Variants in IGLL5 observed in about 807,000 individuals in gnomAD.
IGLL5 encodes immunoglobulin lambda-like polypeptide 5.
IGLL5 carries 30 observed loss-of-function variants against 20.9 expected under a neutral mutation model. The observed-to-expected ratio is 1.44, with a 90% CI of 1.07 to 1.95. The LOEUF is 1.95. Ranked by LOEUF, IGLL5 falls within the 30% of genes most tolerant of loss-of-function variation. IGLL5 has a pLI of 0.00. For missense variants in IGLL5, 475 were observed against 270.7 expected (o/e 1.75, Z -5.30); for synonymous variants, 203 against 117.3 (o/e 1.73, Z -4.72).
intron 2 of IGLL5, among the ~76,000 whole-genome samples, 188 bp downstream of exon 2, chr22:22,894,006 G>T (rs1249174182): frequency 6.7e-5 from 10 of 149,796 alleles, no homozygotes; most frequent in South Asian, 4.4e-4. Context: ...TCCACAGTGG[G>T]AGCAGCCGGA....
chr22:22,888,421 A>T (rs529094609), intron 1 of IGLL5, among the ~76,000 whole-genome samples, 162 bp downstream of exon 1: 2 of 151,504 alleles, frequency 1.3e-5, no homozygotes, highest in East Asian at 2.0e-4. Flanking sequence ...TGTCCATCAC[A>T]GATTTGTTTG....
intron 2 of IGLL5, among the ~76,000 whole-genome samples, chr22:22,894,310 G>C (rs1023795682): frequency 6.6e-6 from 1 of 151,422 alleles, no homozygotes; most frequent in African/African-American, 2.4e-5. Context: ...TGACACAGAG[G>C]TCACCCCAAG....
At chr22:22,895,201 T>C (rs2146052064) in intron 2 of IGLL5, among the ~76,000 whole-genome samples, 174 bp from the exon 3 acceptor site, 1 of 151,352 alleles carries the variant, frequency 6.6e-6, no homozygotes, top group East Asian at 2.0e-4. Flanking sequence ...GGCACAGAGC[T>C]GTCTGCTCTC....
intron 1 of IGLL5, among the ~76,000 whole-genome samples, chr22:22,888,463 TA>T (rs2067601496): frequency 2.0e-5 from 3 of 151,400 alleles, no homozygotes; most frequent in Non-Finnish European, 2.9e-5. Context: ...ATTACGATAT[TA>T]TTTTTCTTGA....
In IGLL5 at chr22:22,888,213, G is replaced by A. The variant is rs184803761; in HGVS notation, c.160G>A (p.Ala54Thr). 5.2e-6 allele frequency: 8 copies of A among 1,548,476 alleles called. No individual in the cohort carries two copies. The highest frequency in any genetic ancestry group is 2.7e-5 in the African/African-American group (2 of 72,882). ...APQSGDPDPG[A>T]SVGSSRSSLR... ...GCAAAGCGGGGACCCAGACCCTGGA[G>A]CCTCAGTTGGAAGCAGCCGATCCAG... The change falls in exon 1 of 3, where the codon GCC becomes ACC. Residue 54 changes from alanine to threonine, a missense_variant. Coordinates refer to ENST00000526893, the MANE Select transcript of IGLL5 (RefSeq NM_001178126.2).
At chr22:22,895,005 G>A (rs2066715544) in intron 2 of IGLL5, among the ~76,000 whole-genome samples, 1 of 151,408 alleles carries the variant, frequency 6.6e-6, no homozygotes, top group Admixed American at 6.6e-5. Context: ...TAAAGTGGGT[G>A]ATGGAGGGGG....
At position 22,895,885 on chromosome 22, in the gene IGLL5, G is replaced by T; in HGVS notation, c.*191G>T. The T allele has an allele frequency of 1.5e-6, 1 of 662,770 alleles. No individual in the cohort carries two copies. The highest frequency in any genetic ancestry group is 2.6e-5 in the Admixed American group (1 of 39,026). 41.1% of individuals were successfully genotyped at this position (662,770 alleles called of 1,614,324 possible). On this transcript the variant is annotated 3_prime_UTR_variant, in exon 3 of 3. Transcript: ENST00000526893. ...CACATAAATTGCTAGCCTCCCCGGGGTTCTCAGTGTGGGGTACAGGGAATT... is the reference window on the plus strand; with the variant it reads ...CACATAAATTGCTAGCCTCCCCGGGTTTCTCAGTGTGGGGTACAGGGAATT...
At chr22:22,894,241 C>G (rs150593100) in intron 2 of IGLL5, among the ~76,000 whole-genome samples, 14 of 150,896 alleles carry the variant, frequency 9.3e-5, no homozygotes, top group East Asian at 6.1e-4. Context: ...CCAAGAACAG[C>G]TGAGGGTCTA....
intron 1 of IGLL5, among the ~76,000 whole-genome samples, chr22:22,888,580 C>G (rs552432937): frequency 6.6e-6 from 1 of 151,290 alleles, no homozygotes; most frequent in Admixed American, 6.6e-5. Flanking sequence ...GACAGGACAT[C>G]CACAGGGGGT....
At chr22:22,892,355 TG>T (rs2067874988) in intron 1 of IGLL5, among the ~76,000 whole-genome samples, 1 of 151,140 alleles carries the variant, frequency 6.6e-6, no homozygotes, top group African/African-American at 2.4e-5. Flanking sequence ...TATCTTCCAA[TG>T]TGAATAAATT....
At chr22:22,889,215 T>A (rs534834371) in intron 1 of IGLL5, among the ~76,000 whole-genome samples, 3 of 150,876 alleles carry the variant, frequency 2.0e-5, no homozygotes, top group Admixed American at 6.6e-5. Flanking sequence ...GAGGAAGCCG[T>A]GCCTTGGGGA....
In IGLL5 at chr22:22,893,878, T is replaced by C. The variant is rs1434347295; in HGVS notation, c.325+60T>C. 1.8e-5 allele frequency: 22 copies of C among 1,190,150 alleles called. 1 individual carries two copies. Among genetic ancestry groups the C allele is most frequent in the East Asian group, 7.0e-5 (3 of 42,798 alleles). The allele number at this position is 1,190,150 out of a possible 1,614,324, so 73.7% of individuals were successfully genotyped here. ...CCCTCTGCTGTCCCTGGAAAATCTGTTTTCTCTCTCTGGGGCTTCCTCCCC... is the reference window on the plus strand; with the variant it reads ...CCCTCTGCTGTCCCTGGAAAATCTGCTTTCTCTCTCTGGGGCTTCCTCCCC... On this transcript the variant is annotated intron_variant, in intron 2 of 2. Coordinates refer to ENST00000526893, the MANE Select transcript of IGLL5 (RefSeq NM_001178126.2).
intron 2 of IGLL5, among the ~76,000 whole-genome samples, chr22:22,894,433 T>A (rs1241009332): frequency 2.6e-5 from 4 of 151,266 alleles, no homozygotes; most frequent in South Asian, 2.1e-4. Flanking sequence ...CTGGGTGAGG[T>A]GCCAGAATCC....
At chr22:22,888,992 T>C (rs78859994) in intron 1 of IGLL5, among the ~76,000 whole-genome samples, 3,384 of 151,238 alleles carry the variant, frequency 0.022, 122 homozygotes, top group South Asian at 0.068. Context: ...TGGGAGCTCC[T>C]GGGTGACTGG....
At chr22:22,895,073 C>T (rs2146050503) in intron 2 of IGLL5, among the ~76,000 whole-genome samples, 1 of 151,336 alleles carries the variant, frequency 6.6e-6, no homozygotes, top group Admixed American at 6.6e-5. Context: ...ACTCAGACTC[C>T]AGAGATCAGA....
At chr22:22,890,355 G>C (rs1181109921) in intron 1 of IGLL5, among the ~76,000 whole-genome samples, 3 of 146,672 alleles carry the variant, frequency 2.0e-5, no homozygotes, top group Non-Finnish European at 3.0e-5. Context: ...AGTTGGTGCT[G>C]GGATTTTATT....
intron 1 of IGLL5, among the ~76,000 whole-genome samples, chr22:22,888,539 GTCCTCTGGGTAGGGAAGGAACAGAGGCA>G: frequency 6.6e-6 from 1 of 151,366 alleles, no homozygotes; most frequent in Admixed American, 6.6e-5. Context: ...CCTAGTCCTA[GTCCTCTGGGTAGGGAAGGAACAGAGGCA>G]GGGACAGGAC....
Position 22,888,778 on chromosome 22 carries a change from A to G in IGLL5, c.206+519A>G, listed in dbSNP as rs563180671. Among the ~76,000 whole-genome samples the G allele has an allele frequency of 2.0e-5, 3 of 151,382 alleles. 1 individual carries two copies. The highest frequency in any genetic ancestry group is 2.0e-4 in the East Asian group (1 of 4,936). ...ATGCTTACTGGGGCCAGGCTCAAGG[A>G]CACAGGGAGGGTGGGATGAACCGAG... On this transcript the variant is annotated intron_variant, in intron 1 of 2. Coordinates refer to ENST00000526893, the MANE Select transcript of IGLL5 (RefSeq NM_001178126.2).
chr22:22,894,333 G>A (rs2068018043), intron 2 of IGLL5, among the ~76,000 whole-genome samples: 2 of 151,514 alleles, frequency 1.3e-5, no homozygotes, highest in African/African-American at 4.8e-5. Flanking sequence ...GAGACCAATG[G>A]AGGGCACAGA....
Sources: gnomAD v4.1 joint callset for allele counts (sites outside exome capture counted in the v4.1 genomes callset) on GRCh38, gnomAD v4.1.1 for gene constraint, MANE v1.5 for transcripts, NCBI Gene and HGNC (gene_info 2026-07-23, HGNC 2026-07-21) for gene names.